TGM4: variants seen among roughly 807,000 people sequenced by gnomAD.
TGM4 encodes the protein protein-glutamine gamma-glutamyltransferase 4.
In TGM4, 61 loss-of-function variants were observed where a neutral mutation model predicts 76.3. That is an observed-to-expected ratio of 0.80 (90% CI 0.65 to 0.99). The LOEUF (loss-of-function observed/expected upper bound fraction) is 0.99, where lower values mean the gene tolerates loss of function less well. Among genes scored for constraint, TGM4 ranks in the 50% least tolerant of loss-of-function variants. The pLI is 0.00. For missense variants in TGM4, 794 were observed against 843.2 expected (o/e 0.94, Z 0.72); for synonymous variants, 337 against 329.8 (o/e 1.02, Z -0.24).
intron 1 of TGM4, among the ~76,000 whole-genome samples, chr3:44,881,821 G>C (rs1172784127): frequency 6.6e-6 from 1 of 152,080 alleles, no homozygotes; most frequent in Non-Finnish European, 1.5e-5. Flanking sequence ...GGCTTCATAG[G>C]CAAAAGTTAT....
At chr3:44,894,864 A>G (rs1699758462) in intron 5 of TGM4, among the ~76,000 whole-genome samples, 1 of 152,206 alleles carries the variant, frequency 6.6e-6, no homozygotes, top group African/African-American at 2.4e-5. Flanking sequence ...GAAGGCCCTC[A>G]GCATCCTCTC....
Position 44,885,314 on chromosome 3 carries a change from G to C in TGM4, c.20-11G>C. On this transcript the variant is annotated splice_polypyrimidine_tract_variant and intron_variant, in intron 1 of 13. Coordinates refer to ENST00000296125, the MANE Select transcript of TGM4 (RefSeq NM_003241.4). ...TGTGCTCTCTTTCCACATGTGCTGC[G>C]TTGCTGACAGAGCTGCAAGTTCTCC... 1 of 1,599,948 alleles carries C rather than the reference G, an allele frequency of 6.3e-7. No homozygotes were observed. Among genetic ancestry groups the C allele is most frequent in the Non-Finnish European group, 8.6e-7 (1 of 1,169,084 alleles).
chr3:44,910,996 A>G lies in TGM4; in HGVS notation c.1645A>G (p.Ile549Val), dbSNP rs1335728372. The G allele has an allele frequency of 9.9e-6, 16 of 1,614,052 alleles. No individual in the cohort carries two copies. The East Asian group carries it at 3.3e-4, about 34-fold the overall frequency. Residue 549 changes from isoleucine to valine, a missense_variant, in exon 12 of 14, where the codon ATC becomes GTC. Physicochemically the swap from Ile to Val is conservative, Grantham distance 29 (BLOSUM62 3). Coordinates refer to ENST00000296125, the MANE Select transcript of TGM4 (RefSeq NM_003241.4). Reference protein sequence around the residue: ...VTLTLDSKTYINSLAILDDEP... With the variant: ...VTLTLDSKTYVNSLAILDDEP... ...TCTGACCTTGGACTCCAAGACCTAC[A>G]TCAACAGCCTGGCTATATTAGATGA...
At chr3:44,894,578 C>G (rs877827) in intron 5 of TGM4, among the ~76,000 whole-genome samples, 14,866 of 150,658 alleles carry the variant, frequency 0.099, 827 homozygotes, top group Middle Eastern at 0.15. Flanking sequence ...AGGGCCAATG[C>G]CTTCGTGCAG....
intron 13 of TGM4, among the ~76,000 whole-genome samples, 165 bp downstream of exon 13, chr3:44,911,571 G>T (rs556388846): frequency 2.0e-5 from 3 of 152,214 alleles, no homozygotes; most frequent in Non-Finnish European, 2.9e-5. Flanking sequence ...ATCAATTTAT[G>T]CTCTACCGAC....
intron 5 of TGM4, among the ~76,000 whole-genome samples, chr3:44,895,732 T>C (rs1575719984): frequency 6.6e-6 from 1 of 152,368 alleles, no homozygotes; most frequent in East Asian, 1.9e-4. Flanking sequence ...GGTCTATTCC[T>C]TTTATTTTGG....
intron 13 of TGM4, among the ~76,000 whole-genome samples, chr3:44,912,896 G>T (rs1700023229): frequency 6.6e-6 from 1 of 152,178 alleles, no homozygotes; most frequent in African/African-American, 2.4e-5. Flanking sequence ...GGACTATATG[G>T]AAATTGATTT....
At chr3:44,888,181 C>T (rs1159182657) in intron 3 of TGM4, 3 of 213,720 alleles carry the variant, frequency 1.4e-5, no homozygotes, top group African/African-American at 6.8e-5. Flanking sequence ...TCATGCTTCA[C>T]TCACTTGACA....
intron 1 of TGM4, among the ~76,000 whole-genome samples, chr3:44,884,500 G>C (rs374679159): frequency 2.0e-4 from 30 of 151,746 alleles, no homozygotes; most frequent in African/African-American, 6.5e-4. Flanking sequence ...GTTTTTTTTG[G>C]GGGGGATGGA....
intron 10 of TGM4, among the ~76,000 whole-genome samples, chr3:44,908,352 T>G (rs1393446333): frequency 6.6e-6 from 1 of 152,186 alleles, no homozygotes; most frequent in Non-Finnish European, 1.5e-5. Flanking sequence ...CAAACTTGAT[T>G]AAAAGCAATT....
chr3:44,887,710 AAC>A lies in TGM4; in HGVS notation c.220_221del (p.Thr74ProfsTer22). 6.2e-7 allele frequency: 1 copy of A among 1,614,090 alleles called. No homozygotes were observed. Among genetic ancestry groups the A allele is most frequent in the East Asian group, 2.2e-5 (1 of 44,876 alleles). ...CCAGGGCCGAATCCTAGCATCGCCA[AAC>A]ACACCCTGGTGGTGCTCGACCCGAG... is the stretch of plus-strand genomic sequence containing the variant. On this transcript the variant is annotated frameshift_variant, in exon 3 of 14. Coordinates refer to ENST00000296125, the MANE Select transcript of TGM4 (RefSeq NM_003241.4). LOFTEE classifies it high-confidence loss of function.
rs905821708 is a variant in TGM4, at chr3:44,910,434, TCTC to T, written c.1606+70_1606+72del. 8 of 1,550,776 alleles carry T rather than the reference TCTC, an allele frequency of 5.2e-6. No homozygotes were observed. In the African/African-American group the frequency reaches 1.1e-4, roughly 21 times the overall value. On this transcript the variant is annotated intron_variant, in intron 11 of 13. Coordinates refer to ENST00000296125, the MANE Select transcript of TGM4 (RefSeq NM_003241.4). ...GGGTCCCACAATCTGAAATCCCTCT[TCTC>T]CTCTGTGGACAACTTCCATACATTG... is the stretch of plus-strand genomic sequence containing the variant.
At chr3:44,903,257 C>T (rs1699878194) in intron 8 of TGM4, among the ~76,000 whole-genome samples, 1 of 152,110 alleles carries the variant, frequency 6.6e-6, no homozygotes, top group Non-Finnish European at 1.5e-5. Context: ...ACTCAGGGGT[C>T]CTGGAACCAA....
rs1699447046 is a variant in TGM4 at position 44,875,980 on chromosome 3, C to T, written c.19+1283C>T. 3.9e-5 allele frequency among the ~76,000 whole-genome samples: 6 copies of T among 152,308 alleles called. No homozygotes were observed. The South Asian group carries it at 1.2e-3, about 32-fold the overall frequency. On this transcript the variant is annotated intron_variant, in intron 1 of 13. Coordinates refer to ENST00000296125, the MANE Select transcript of TGM4 (RefSeq NM_003241.4). ...AGAGAAGATTCATGTCTAAATAGCC[C>T]TGTGGCTTTGGGCAGGTTACATCAA...
chr3:44,887,741 G>A lies in TGM4; in HGVS notation c.246G>A (p.Thr82=), dbSNP rs757851140. Reference sequence around the variant, plus strand: ...CCCTGGTGGTGCTCGACCCGAGGACGCCCTCAGACCACTACAACTGGCAGG... The same window carrying A: ...CCCTGGTGGTGCTCGACCCGAGGACACCCTCAGACCACTACAACTGGCAGG... ...KHTLVVLDPR[T]PSDHYNWQAT... The change falls in exon 3 of 14, where the codon ACG becomes ACA. Residue 82 remains threonine (T), a synonymous_variant. Transcript: ENST00000296125. 8.1e-6 allele frequency: 13 copies of A among 1,614,052 alleles called. No homozygotes were observed. Among genetic ancestry groups the A allele is most frequent in the Middle Eastern group, 3.3e-4 (2 of 6,084 alleles).
At chr3:44,875,444 T>C (rs1307201557) in intron 1 of TGM4, among the ~76,000 whole-genome samples, 1 of 152,200 alleles carries the variant, frequency 6.6e-6, no homozygotes, top group Non-Finnish European at 1.5e-5. Flanking sequence ...TCTGCTGCTG[T>C]CAGCAGTGTC....
In TGM4 at chr3:44,911,008, G is replaced by A. The variant is rs145695632; in HGVS notation, c.1657G>A (p.Ala553Thr). ...LDSKTYINSLAILDDEPVIRG... is the reference protein window; with the variant it reads ...LDSKTYINSLTILDDEPVIRG... ...CTCCAAGACCTACATCAACAGCCTG[G>A]CTATATTAGATGATGAGCCAGTTAT... The change falls in exon 12 of 14, where the codon GCT becomes ACT. Residue 553 changes from alanine to threonine, a missense_variant. Coordinates refer to ENST00000296125, the MANE Select transcript of TGM4 (RefSeq NM_003241.4). 27 of 1,614,046 alleles carry A rather than the reference G, an allele frequency of 1.7e-5. No homozygotes were observed. The highest frequency in any genetic ancestry group is 2.3e-5 in the Non-Finnish European group (27 of 1,180,046).
At chr3:44,892,902 G>A (rs946968097) in intron 4 of TGM4, among the ~76,000 whole-genome samples, 2 of 152,066 alleles carry the variant, frequency 1.3e-5, no homozygotes, top group Admixed American at 6.5e-5. Flanking sequence ...TTCAGGTTAC[G>A]CAGTCCTTGC....
chr3:44,887,879 A>G, intron 3 of TGM4, 84 bp downstream of exon 3: 1 of 1,201,638 alleles, frequency 8.3e-7, no homozygotes, highest in Non-Finnish European at 1.2e-6. Context: ...CCCCTTCCTC[A>G]CCTGTCAGCT....
Sources: allele counts gnomAD v4.1 joint callset (sites outside exome capture counted in the v4.1 genomes callset), GRCh38; gene constraint gnomAD v4.1.1; transcripts MANE v1.5; gene names NCBI Gene and HGNC (gene_info 2026-07-23, HGNC 2026-07-21).